The following ABCA10 variants were observed in gnomAD, a reference collection of about 807,000 sequenced individuals.
ABCA10 encodes the protein ATP-binding cassette sub-family A member 10.
In ABCA10, 169 loss-of-function variants were observed where a neutral mutation model predicts 187.5. That is an observed-to-expected ratio of 0.90 (90% CI 0.80 to 1.02). The LOEUF (loss-of-function observed/expected upper bound fraction) is 1.02. Among genes scored for constraint, ABCA10 ranks in the 50% least tolerant of loss-of-function variants. The probability of loss-of-function intolerance (pLI) is 0.00; values close to 1 mark genes in which losing one functional copy is unlikely to be tolerated. For missense variants in ABCA10, 1,727 were observed against 1,812.4 expected, an observed-to-expected ratio of 0.95 and a Z score of 0.86; for synonymous variants, 574 against 601.8, an observed-to-expected ratio of 0.95 and a Z score of 0.68.
chr17:69,209,523 G>T (rs567454505), intron 9 of ABCA10, among the ~76,000 whole-genome samples: 1 of 152,260 alleles, frequency 6.6e-6, no homozygotes, highest in Non-Finnish European at 1.5e-5. Flanking sequence ...AAGTCTAGAA[G>T]AAAGCTATAA....
chr17:69,225,849 C>T (rs894870344), intron 2 of ABCA10, among the ~76,000 whole-genome samples: 1 of 152,040 alleles, frequency 6.6e-6, no homozygotes, highest in African/African-American at 2.4e-5. Flanking sequence ...AGAAGATACT[C>T]TTGCCAAAAA....
intron 1 of ABCA10, among the ~76,000 whole-genome samples, chr17:69,242,301 A>T (rs965190326): frequency 1.3e-5 from 2 of 152,234 alleles, no homozygotes; most frequent in Non-Finnish European, 2.9e-5. Flanking sequence ...CAACTATATG[A>T]CAAAGATATG....
chr17:69,152,695 G>A (rs1230435152), intron 34 of ABCA10, among the ~76,000 whole-genome samples: 1 of 152,098 alleles, frequency 6.6e-6, no homozygotes. Context: ...GCTGAGATGA[G>A]TGGATCACTT....
rs553348351 is a variant in ABCA10, at chr17:69,218,424, T to C, written c.530+1121A>G. Among the ~76,000 whole-genome samples, 3 of 152,254 alleles carry C rather than the reference T, an allele frequency of 2.0e-5. No individual in the cohort carries two copies. The South Asian group carries it at 6.2e-4, about 32-fold the overall frequency. ...TAACTTTTCTCTGCTTTATTTTTCT[T>C]ACCTGTAAAATGTGGATAATAGTTC... is the stretch of plus-strand genomic sequence containing the variant. On this transcript the variant is annotated intron_variant, in intron 6 of 38. Transcript: ENST00000690296.
chr17:69,168,339 T>C (rs1382560852), intron 25 of ABCA10, among the ~76,000 whole-genome samples: 1 of 152,154 alleles, frequency 6.6e-6, no homozygotes, highest in Non-Finnish European at 1.5e-5. Flanking sequence ...TATTTTGATT[T>C]GAACAGGAAT....
At chr17:69,162,842 T>TAC (rs377270606) in intron 27 of ABCA10, among the ~76,000 whole-genome samples, 2,919 of 146,964 alleles carry the variant, frequency 0.02, 118 homozygotes, top group Admixed American at 0.099. Context: ...CATATACATA[T>TAC]ATATATATAT....
rs2074137209 is a variant in ABCA10, at chr17:69,152,480, G to A, written c.4138C>T (p.Gln1380Ter). 2 of 1,608,784 alleles carry A rather than the reference G, an allele frequency of 1.2e-6. No homozygotes were observed. ...TTTTTAACGGTAGCCTGAAGTATCTGCCTAAAGATAAAGTAAGGGATTGTT... is the reference window on the plus strand; with the variant it reads ...TTTTTAACGGTAGCCTGAAGTATCTACCTAAAGATAAAGTAAGGGATTGTT... ...MDPEGQQQMW[Q>*]ILQATVKNKE... The change falls in exon 35 of 39, where the codon CAG becomes TAG. Residue 1380 changes from glutamine (Q) to a stop codon, truncating the protein, a stop_gained and splice_region_variant. Transcript: ENST00000690296. LOFTEE classifies it high-confidence loss of function.
At chr17:69,165,599 G>T (rs1460746066) in intron 25 of ABCA10, among the ~76,000 whole-genome samples, 1 of 152,118 alleles carries the variant, frequency 6.6e-6, no homozygotes, top group East Asian at 1.9e-4. Flanking sequence ...TTAAAGGGCA[G>T]CCCATATCCC....
At chr17:69,150,116 G>A in intron 36 of ABCA10, 53 bp from the exon 37 acceptor site, 2 of 1,356,572 alleles carry the variant, frequency 1.5e-6, no homozygotes, top group Non-Finnish European at 2.1e-6. Flanking sequence ...GATAATACGG[G>A]GGAGGAATTA....
At chr17:69,215,729 AT>A in intron 8 of ABCA10, 85 bp downstream of exon 8, 1 of 1,227,200 alleles carries the variant, frequency 8.1e-7, no homozygotes, top group Non-Finnish European at 1.1e-6. Flanking sequence ...GTGGCTGATT[AT>A]TAAATTTCAT....
chr17:69,240,843 G>A (rs1386196530), intron 1 of ABCA10, among the ~76,000 whole-genome samples: 1 of 152,170 alleles, frequency 6.6e-6, no homozygotes, highest in Non-Finnish European at 1.5e-5. Flanking sequence ...TCTCAAATCT[G>A]TTCTCAGAAT....
rs750128232 is a variant in ABCA10, at chr17:69,154,317, A to G, written c.3704T>C (p.Leu1235Ser). ...VSFCVKKGEV[L>S]GLLGHNGAGK... Reference sequence around the variant, plus strand: ...AGCTCCATTGTGTCCTAGTAATCCCAAAACTTCACCTGGAAGAAAGAGTCA... The same window carrying G: ...AGCTCCATTGTGTCCTAGTAATCCCGAAACTTCACCTGGAAGAAAGAGTCA... Residue 1235 changes from leucine (L) to serine (S), a missense_variant, in exon 31 of 39, where the codon TTG (leucine) becomes TCG (serine). Physicochemically the swap from Leu to Ser is moderately radical, Grantham distance 145 (BLOSUM62 -2). Transcript: ENST00000690296. 5.6e-6 allele frequency: 9 copies of G among 1,597,756 alleles called. No individual in the cohort carries two copies. Among genetic ancestry groups the G allele is most frequent in the South Asian group, 4.6e-5 (4 of 87,530 alleles).
intron 25 of ABCA10, among the ~76,000 whole-genome samples, chr17:69,165,348 T>A (rs1217339896): frequency 6.6e-6 from 1 of 152,200 alleles, no homozygotes; most frequent in Non-Finnish European, 1.5e-5. Flanking sequence ...AAGAAGGTGA[T>A]GTAACATTAT....
Position 69,216,240 on chromosome 17 carries a change from A to G in ABCA10, c.649T>C (p.Tyr217His), listed in dbSNP as rs2074703395. The G allele has an allele frequency of 1.2e-6, 2 of 1,613,348 alleles. No individual in the cohort carries two copies. The highest frequency in any genetic ancestry group is 1.3e-5 in the African/African-American group (1 of 74,906). ...HTGFMVIFTL[Y>H]SLYGLSLIAL... ...ACCAAAGAAAGGCCATATAAGCTAT[A>G]GAGTGTGAATATCACCATGAAGCCA... is the stretch of plus-strand genomic sequence containing the variant. The change falls in exon 7 of 39, where the codon TAT becomes CAT. Residue 217 changes from tyrosine to histidine, a missense_variant. Physicochemically the swap from Tyr to His is moderately conservative, Grantham distance 83 (BLOSUM62 2). Coordinates refer to ENST00000690296, the MANE Select transcript of ABCA10 (RefSeq NM_001377321.1).
At chr17:69,154,469 G>A in intron 30 of ABCA10, 143 bp from the exon 31 acceptor site, 1 of 635,426 alleles carries the variant, frequency 1.6e-6, no homozygotes, top group East Asian at 2.8e-5. Context: ...CTGTTGCCTA[G>A]GCTGGACTGT....
rs753933098 is a variant in ABCA10 at position 69,148,782 on chromosome 17, A to G, written c.*45T>C. On this transcript the variant is annotated 3_prime_UTR_variant, in exon 39 of 39. Coordinates refer to ENST00000690296, the MANE Select transcript of ABCA10 (RefSeq NM_001377321.1). ...CATTCTTGTAGAATTATGGAAACTA[A>G]CAATGTAGTAGGACCTAAAATTGAA... The G allele has an allele frequency of 6.9e-7, 1 of 1,444,852 alleles. No individual in the cohort carries two copies. The highest frequency in any genetic ancestry group is 9.6e-7 in the Non-Finnish European group (1 of 1,040,064). The allele number at this position is 1,444,852 out of a possible 1,614,324, so 89.5% of individuals were successfully genotyped here. A position where few individuals can be genotyped will look rare whatever the true frequency, so the allele number is the denominator to read the frequency against.
intron 1 of ABCA10, chr17:69,234,070 G>A: frequency 6.5e-6 from 1 of 153,032 alleles, no homozygotes; most frequent in Non-Finnish European, 1.5e-5. Context: ...AAGGCAGCTG[G>A]CAAGCCTATC....
At chr17:69,199,206 C>A (rs1440068467) in intron 10 of ABCA10, among the ~76,000 whole-genome samples, 1 of 152,210 alleles carries the variant, frequency 6.6e-6, no homozygotes, top group Non-Finnish European at 1.5e-5. Context: ...CCCCACTACA[C>A]TACACTAGGT....
At chr17:69,209,878 TATC>T (rs1163460651) in intron 9 of ABCA10, among the ~76,000 whole-genome samples, 3 of 152,294 alleles carry the variant, frequency 2.0e-5, no homozygotes, top group East Asian at 3.9e-4. Flanking sequence ...ATCTCTATCT[TATC>T]ATATCTAAAC....
Sources: gnomAD v4.1 joint callset for allele counts (sites outside exome capture counted in the v4.1 genomes callset) on GRCh38, gnomAD v4.1.1 for gene constraint, MANE v1.5 for transcripts, NCBI Gene and HGNC (gene_info 2026-07-23, HGNC 2026-07-21) for gene names.